Variants in NOVA1 observed in about 807,000 individuals in gnomAD.
The protein encoded by NOVA1 is RNA-binding protein Nova-1.
In NOVA1, 7 loss-of-function variants were observed where a neutral mutation model predicts 38.0. The ratio of observed to expected loss-of-function variants is 0.18; its 90% CI spans 0.10 to 0.35. The LOEUF is 0.35. NOVA1 is among the 10% of genes least tolerant of loss of function. NOVA1 has a pLI of 1.00. For missense variants in NOVA1, 460 were observed against 616.0 expected, an observed-to-expected ratio of 0.75 and a Z score of 2.68; for synonymous variants, 270 against 232.5, an observed-to-expected ratio of 1.16 and a Z score of -1.47.
intron 2 of NOVA1, among the ~76,000 whole-genome samples, chr14:26,579,469 C>T (rs900433768): frequency 6.6e-6 from 1 of 152,088 alleles, no homozygotes; most frequent in Non-Finnish European, 1.5e-5. Context: ...TCAGTATAAT[C>T]TTATTAAATT....
Position 26,448,942 on chromosome 14 carries a change from T to C in NOVA1, c.541A>G (p.Ser181Gly). The change falls in exon 5 of 5, where the codon AGC becomes GGC. Residue 181 changes from serine (S) to glycine (G), a missense_variant. Transcript: ENST00000539517. This position sits in a 1 kb window ranked among gnomAD's most constrained non-coding sequence, Gnocchi z 5.3. ...ANQVKIIVPN[S>G]TAGLIIGKGG... ...TTCCCTATTATCAGACCTGCTGTGC[T>C]GTTGGGAACTATAATCTTTACCTGT... 1 of 1,612,124 alleles carries C rather than the reference T, an allele frequency of 6.2e-7. No homozygotes were observed. Among genetic ancestry groups the C allele is most frequent in the Non-Finnish European group, 8.5e-7 (1 of 1,178,910 alleles).
intron 2 of NOVA1, among the ~76,000 whole-genome samples, chr14:26,550,684 T>C (rs939922264): frequency 3.9e-5 from 6 of 152,176 alleles, no homozygotes; most frequent in African/African-American, 1.4e-4. Context: ...ACTATGTATA[T>C]ACTACTCTGA....
At chr14:26,457,155 T>G (rs2138591193) in intron 4 of NOVA1, among the ~76,000 whole-genome samples, 1 of 151,692 alleles carries the variant, frequency 6.6e-6, no homozygotes, top group Admixed American at 6.6e-5. Flanking sequence ...TTGTCCAAAA[T>G]TAGGCTGCAG....
intron 2 of NOVA1, among the ~76,000 whole-genome samples, chr14:26,552,495 T>C (rs1170748680): frequency 6.6e-6 from 1 of 152,156 alleles, no homozygotes; most frequent in Non-Finnish European, 1.5e-5. Flanking sequence ...TGTAGAACAC[T>C]GGAAAAGTAA....
chr14:26,505,390 G>T (rs1438477100), intron 2 of NOVA1, among the ~76,000 whole-genome samples: 1 of 152,008 alleles, frequency 6.6e-6, no homozygotes, highest in Non-Finnish European at 1.5e-5. Context: ...TTTTCTAAGT[G>T]TGTGGCTCTT....
intron 2 of NOVA1, among the ~76,000 whole-genome samples, chr14:26,575,028 A>G (rs886593385): frequency 6.6e-6 from 1 of 152,182 alleles, no homozygotes; most frequent in Admixed American, 6.5e-5. Flanking sequence ...TTATAAGTAA[A>G]TAATTCTCTT....
chr14:26,508,334 A>G (rs1010682728), intron 2 of NOVA1, among the ~76,000 whole-genome samples: 1 of 152,022 alleles, frequency 6.6e-6, no homozygotes, highest in African/African-American at 2.4e-5. Flanking sequence ...TTTCTTGAAA[A>G]GTGAAAGAGT....
chr14:26,453,932 A>G (rs972985344), intron 4 of NOVA1, among the ~76,000 whole-genome samples: 2 of 152,166 alleles, frequency 1.3e-5, no homozygotes, highest in African/African-American at 4.8e-5. Context: ...TATTTTACTC[A>G]GTCATTCAGT....
intron 4 of NOVA1, among the ~76,000 whole-genome samples, chr14:26,457,123 G>A (rs1368017264): frequency 6.6e-6 from 1 of 151,900 alleles, no homozygotes. Flanking sequence ...TAAAAGCAGT[G>A]TAACAAAAGG....
intron 2 of NOVA1, among the ~76,000 whole-genome samples, chr14:26,578,663 G>A (rs1364622055): frequency 6.6e-6 from 1 of 152,186 alleles, no homozygotes; most frequent in Non-Finnish European, 1.5e-5. Context: ...GGAAGATCAT[G>A]AAAGAGCTTT....
chr14:26,580,834 T>C (rs1893170466), intron 2 of NOVA1, among the ~76,000 whole-genome samples: 1 of 152,086 alleles, frequency 6.6e-6, no homozygotes, highest in Non-Finnish European at 1.5e-5. Flanking sequence ...CTTCAATTGT[T>C]AAAAATCCTT....
chr14:26,446,985 C>T lies in NOVA1; in HGVS notation c.*974G>A, dbSNP rs1326438505. 6.6e-6 allele frequency: 1 copy of T among 152,650 alleles called. No homozygotes were observed. The highest frequency in any genetic ancestry group is 1.9e-4 in the East Asian group (1 of 5,192). 9.5% of individuals were successfully genotyped at this position (152,650 alleles called of 1,614,324 possible). On this transcript the variant is annotated 3_prime_UTR_variant, in exon 5 of 5. Transcript: ENST00000539517. ...CACAGTAAAATCTACATTCACAATA[C>T]TAATAGGTTTCTAGTGTTAACAAAT...
chr14:26,472,377 G>A lies in NOVA1; in HGVS notation c.462C>T (p.Ser154=). The part of the protein sequence containing the change: ...PDRIKQTLPS[S]PTTTKSSPSD... ...ATGGAGAGGACTTGGTGGTAGTTGG[G>A]GAAGATGGCAATGTCTGGGAAACAA... is the stretch of plus-strand genomic sequence containing the variant. The change falls in exon 4 of 5, where the codon TCC becomes TCT. Residue 154 remains serine (S), a synonymous_variant. Transcript: ENST00000539517. 2 of 1,537,034 alleles carry A rather than the reference G, an allele frequency of 1.3e-6. No homozygotes were observed. Among genetic ancestry groups the A allele is most frequent in the South Asian group, 1.3e-5 (1 of 75,398 alleles).
intron 4 of NOVA1, among the ~76,000 whole-genome samples, chr14:26,463,035 A>C (rs1883819613): frequency 6.6e-6 from 1 of 152,148 alleles, no homozygotes; most frequent in Non-Finnish European, 1.5e-5. Flanking sequence ...TTAGCAACTT[A>C]ATTTTCTTCA....
At chr14:26,528,579 C>T (rs992867422) in intron 2 of NOVA1, among the ~76,000 whole-genome samples, 1 of 152,126 alleles carries the variant, frequency 6.6e-6, no homozygotes, top group Middle Eastern at 3.4e-3. Context: ...ACCTTAGACA[C>T]CGGCACACCC....
At chr14:26,508,262 G>T (rs1887792500) in intron 2 of NOVA1, among the ~76,000 whole-genome samples, 1 of 151,944 alleles carries the variant, frequency 6.6e-6, no homozygotes, top group Admixed American at 6.6e-5. Flanking sequence ...TGAGCATAAA[G>T]TAAAATGTTC....
intron 2 of NOVA1, among the ~76,000 whole-genome samples, chr14:26,557,525 CTAAT>C (rs1222431388): frequency 7.6e-6 from 1 of 131,742 alleles, no homozygotes; most frequent in African/African-American, 2.8e-5. Context: ...CCATGACTGG[CTAAT>C]TTTTTTTTTT....
At chr14:26,581,120 A>T (rs1413470434) in intron 2 of NOVA1, among the ~76,000 whole-genome samples, 2 of 152,088 alleles carry the variant, frequency 1.3e-5, no homozygotes, top group Admixed American at 1.3e-4. Flanking sequence ...GACTGATTAA[A>T]ATAGTACACC....
At chr14:26,496,479 C>T (rs1411925494) in intron 2 of NOVA1, among the ~76,000 whole-genome samples, 6 of 152,032 alleles carry the variant, frequency 3.9e-5, no homozygotes, top group Non-Finnish European at 5.9e-5. Context: ...TTTTGCTGTG[C>T]AGAAGCTCTT....
Sources: allele counts gnomAD v4.1 joint callset (sites outside exome capture counted in the v4.1 genomes callset), GRCh38; gene constraint gnomAD v4.1.1; non-coding constraint Gnocchi (gnomAD v3.1); transcripts MANE v1.5; gene names NCBI Gene and HGNC (gene_info 2026-07-23, HGNC 2026-07-21).